Variants in POLD3 observed in about 807,000 individuals in gnomAD.
POLD3 encodes the protein DNA polymerase delta 3, accessory subunit.
Under a neutral mutation model 58.2 loss-of-function variants are expected in POLD3, and 19 were observed. The observed-to-expected ratio is 0.33, with a 90% confidence interval of 0.23 to 0.48. The LOEUF (loss-of-function observed/expected upper bound fraction) is 0.48. POLD3 is among the 20% of genes least tolerant of loss of function. POLD3 has a pLI of 0.99. For synonymous variants in POLD3, 172 were observed against 193.5 expected, an observed-to-expected ratio of 0.89 and a Z score of 0.92; for missense variants, 504 against 545.5, an observed-to-expected ratio of 0.92 and a Z score of 0.76.
At chr11:74,638,009 A>G (rs1446334151) in intron 11 of POLD3, among the ~76,000 whole-genome samples, 1 of 152,054 alleles carries the variant, frequency 6.6e-6, no homozygotes, top group African/African-American at 2.4e-5. Context: ...GTGACTTTGC[A>G]GCAGAAATTG....
At chr11:74,607,657 C>T (rs759695430) in intron 3 of POLD3, among the ~76,000 whole-genome samples, 2 of 152,004 alleles carry the variant, frequency 1.3e-5, no homozygotes, top group Non-Finnish European at 2.9e-5. Context: ...TCTCGGCTTA[C>T]TGTAGCCTCA....
intron 11 of POLD3, among the ~76,000 whole-genome samples, chr11:74,638,398 T>A (rs1479836841): frequency 6.6e-6 from 1 of 152,178 alleles, no homozygotes; most frequent in Non-Finnish European, 1.5e-5. Context: ...ATTTCATTAA[T>A]AAGTAATGAA....
At chr11:74,636,088 T>C (rs947979514) in intron 10 of POLD3, 109 bp from the exon 11 acceptor site, 1 of 1,056,256 alleles carries the variant, frequency 9.5e-7, no homozygotes, top group African/African-American at 1.6e-5. Context: ...TTTCAACTTT[T>C]TATCATAATG....
Position 74,638,586 on chromosome 11 carries a change from G to A in POLD3, c.1199-1978G>A, listed in dbSNP as rs770414691. On this transcript the variant is annotated intron_variant, in intron 11 of 11. Coordinates refer to ENST00000263681, the MANE Select transcript of POLD3 (RefSeq NM_006591.3). ...TAAGATATTGAATAAATAACAGCTC[G>A]TAATTTTGTCCCATTAATTCAGTTA... is the stretch of plus-strand genomic sequence containing the variant. 142 of 454,666 alleles carry A rather than the reference G, an allele frequency of 3.1e-4. 1 individual carries two copies. Among genetic ancestry groups the A allele is most frequent in the Non-Finnish European group, 5.1e-4 (115 of 226,354 alleles). The allele number at this position is 454,666 out of a possible 1,614,324, so 28.2% of individuals were successfully genotyped here.
intron 9 of POLD3, 55 bp downstream of exon 9, chr11:74,629,378 A>C: frequency 1.0e-6 from 1 of 963,476 alleles, no homozygotes; most frequent in Non-Finnish European, 1.6e-6. Context: ...TTCAATGTTC[A>C]AGGAGCTAAA....
intron 3 of POLD3, among the ~76,000 whole-genome samples, chr11:74,610,515 G>A (rs911062124): frequency 6.6e-6 from 1 of 151,974 alleles, no homozygotes; most frequent in African/African-American, 2.4e-5. Context: ...GGCCTTTCTT[G>A]CCCATTTTCT....
At chr11:74,647,563 A>C (rs907065160), downstream of POLD3, among the ~76,000 whole-genome samples, 4 of 152,162 alleles carry the variant, frequency 2.6e-5, no homozygotes, top group African/African-American at 9.7e-5. Context: ...ACAGTATAGC[A>C]ACCCCTAAGA....
chr11:74,611,522 A>G lies in POLD3; in HGVS notation c.243A>G (p.Arg81=), dbSNP rs1360782810. The G allele has an allele frequency of 2.5e-6, 4 of 1,570,750 alleles. No individual in the cohort carries two copies. The highest frequency in any genetic ancestry group is 3.7e-5 in the Admixed American group (2 of 54,434). ...GHSCHKVAVV[R]EDKLEAVKSK... The stretch of plus-strand genomic sequence containing the variant: ...AGTGCCACAAGGTTGCAGTAGTGAG[A>G]GAAGATAAATTGGAAGGTAAGTGTT... Residue 81 remains arginine (R), a synonymous_variant, in exon 4 of 12, where the codon AGA becomes AGG. Coordinates refer to ENST00000263681, the MANE Select transcript of POLD3 (RefSeq NM_006591.3).
At chr11:74,648,466 G>A (rs2033028628) in intron 4 of POLD3, among the ~76,000 whole-genome samples, 1 of 152,220 alleles carries the variant, frequency 6.6e-6, no homozygotes, top group Non-Finnish European at 1.5e-5. Context: ...AGAAAGGGTT[G>A]CCTGTGACTG....
intron 1 of POLD3, 97 bp from the exon 2 acceptor site, chr11:74,593,964 C>T: frequency 1.4e-6 from 1 of 694,510 alleles, no homozygotes; most frequent in Non-Finnish European, 2.6e-6. Flanking sequence ...AAGGCATAAT[C>T]ATCTAAGAAT....
At chr11:74,610,452 G>A (rs1025210707) in intron 3 of POLD3, among the ~76,000 whole-genome samples, 58 of 152,154 alleles carry the variant, frequency 3.8e-4, no homozygotes, top group African/African-American at 1.1e-3. Context: ...CTCGTGATCT[G>A]CCTGCCTCGG....
intron 5 of POLD3, among the ~76,000 whole-genome samples, chr11:74,613,402 T>C (rs1283345584): frequency 7.1e-6 from 1 of 140,878 alleles, no homozygotes; most frequent in African/African-American, 2.7e-5. Flanking sequence ...AAAGCAACTT[T>C]TTCTTGAGCT....
intron 4 of POLD3, among the ~76,000 whole-genome samples, chr11:74,653,714 A>C (rs368429440): frequency 3.9e-5 from 6 of 152,370 alleles, no homozygotes; most frequent in African/African-American, 1.4e-4. Context: ...ATGTAAATGG[A>C]ATGAACACTT....
At chr11:74,601,282 A>T (rs1297790337) in intron 2 of POLD3, among the ~76,000 whole-genome samples, 1 of 152,212 alleles carries the variant, frequency 6.6e-6, no homozygotes, top group Non-Finnish European at 1.5e-5. Context: ...CTGTTAGCTC[A>T]TTTATCCTTC....
At chr11:74,639,183 C>T (rs1448914847) in intron 11 of POLD3, among the ~76,000 whole-genome samples, 1 of 152,206 alleles carries the variant, frequency 6.6e-6, no homozygotes, top group Non-Finnish European at 1.5e-5. Flanking sequence ...TCAGGTCCCA[C>T]CCCAGATCTG....
chr11:74,655,116 A>G (rs1174754651), intron 4 of POLD3, among the ~76,000 whole-genome samples: 1 of 152,254 alleles, frequency 6.6e-6, no homozygotes, highest in African/African-American at 2.4e-5. Flanking sequence ...ATTTTTATGC[A>G]TTTCCCAACC....
chr11:74,612,240 T>C (rs900849546), intron 4 of POLD3, among the ~76,000 whole-genome samples: 20 of 151,756 alleles, frequency 1.3e-4, no homozygotes, highest in African/African-American at 4.6e-4. Context: ...GAGTGGTGGG[T>C]TTGTCCACTT....
In POLD3 at chr11:74,638,572, A is replaced by G. The variant is rs200548798; in HGVS notation, c.1199-1992A>G. 31 of 453,876 alleles carry G rather than the reference A, an allele frequency of 6.8e-5. No homozygotes were observed. The East Asian group carries it at 2.1e-3, about 30-fold the overall frequency. The allele number at this position is 453,876 out of a possible 1,614,324, so 28.1% of individuals were successfully genotyped here. A position where few individuals can be genotyped will look rare whatever the true frequency, so the allele number is the denominator to read the frequency against. ...AGACTTTTCTAATTTAAGATATTGA[A>G]TAAATAACAGCTCGTAATTTTGTCC... On this transcript the variant is annotated intron_variant, in intron 11 of 11. Coordinates refer to ENST00000263681, the MANE Select transcript of POLD3 (RefSeq NM_006591.3).
intron 4 of POLD3, among the ~76,000 whole-genome samples, chr11:74,651,464 G>A (rs555304215): frequency 2.6e-5 from 4 of 152,252 alleles, no homozygotes; most frequent in East Asian, 1.9e-4. Flanking sequence ...GAAACAGAAC[G>A]TGCTCTCAAG....
Sources: gnomAD v4.1 joint callset for allele counts (sites outside exome capture counted in the v4.1 genomes callset) on GRCh38, gnomAD v4.1.1 for gene constraint, MANE v1.5 for transcripts, NCBI Gene and HGNC (gene_info 2026-07-23, HGNC 2026-07-21) for gene names.